SSBP3: variants seen among roughly 807,000 people sequenced by gnomAD.
The protein encoded by SSBP3 is single stranded DNA binding protein 3.
In SSBP3, 5 loss-of-function variants were observed where a neutral mutation model predicts 69.6. The observed-to-expected ratio is 0.07, with a 90% confidence interval of 0.04 to 0.15. SSBP3 has a LOEUF of 0.15. Among genes scored for constraint, SSBP3 ranks in the 10% least tolerant of loss-of-function variants. The pLI is 1.00. For synonymous variants in SSBP3, 196 were observed against 193.4 expected (o/e 1.01, Z -0.11); for missense variants, 312 against 534.0 (o/e 0.58, Z 4.10).
At chr1:54,240,881 C>A (rs767848407) in intron 13 of SSBP3, 24 bp downstream of exon 13, 2 of 1,613,150 alleles carry the variant, frequency 1.2e-6, no homozygotes, top group Admixed American at 3.3e-5. Context: ...CCAGACCCCC[C>A]ACTTTCCCCT....
upstream of SSBP3, among the ~76,000 whole-genome samples, chr1:54,407,694 G>C (rs1409691212): frequency 1.3e-5 from 2 of 150,850 alleles, no homozygotes; most frequent in African/African-American, 2.4e-5. Flanking sequence ...AGCGCTGATT[G>C]GCTGCCTGTT....
At chr1:54,316,845 C>A (rs1475102819) in intron 4 of SSBP3, among the ~76,000 whole-genome samples, 2 of 152,066 alleles carry the variant, frequency 1.3e-5, no homozygotes, top group African/African-American at 4.8e-5. Flanking sequence ...GAGATCAAGG[C>A]ACTCGCAAAT....
chr1:54,370,072 C>T (rs1009326446), intron 4 of SSBP3, among the ~76,000 whole-genome samples: 1 of 152,142 alleles, frequency 6.6e-6, no homozygotes, highest in African/African-American at 2.4e-5. Context: ...TAGCTTGTCC[C>T]AACCCTCCGT....
chr1:54,243,641 G>C (rs545275959), intron 9 of SSBP3, among the ~76,000 whole-genome samples: 1 of 152,166 alleles, frequency 6.6e-6, no homozygotes, highest in African/African-American at 2.4e-5. Flanking sequence ...GCGGGTAAGA[G>C]GGGATGGACT....
intron 14 of SSBP3, among the ~76,000 whole-genome samples, chr1:54,235,115 T>TA (rs1293201504): frequency 1.3e-5 from 2 of 152,178 alleles, no homozygotes; most frequent in Non-Finnish European, 2.9e-5. Flanking sequence ...GTTTTACTTA[T>TA]AAGCACAGGT....
chr1:54,357,439 A>G (rs1646886812), intron 4 of SSBP3, among the ~76,000 whole-genome samples: 1 of 152,154 alleles, frequency 6.6e-6, no homozygotes, highest in Non-Finnish European at 1.5e-5. Flanking sequence ...GGCTGGGGGT[A>G]GGGTGTACCA....
chr1:54,383,649 A>G (rs189664267), intron 4 of SSBP3, among the ~76,000 whole-genome samples: 34 of 152,318 alleles, frequency 2.2e-4, no homozygotes, highest in Admixed American at 1.3e-3. Context: ...CAGGGTGTTC[A>G]ATAATAAAAT....
intron 4 of SSBP3, among the ~76,000 whole-genome samples, chr1:54,319,704 C>T (rs1229626032): frequency 6.6e-6 from 1 of 151,860 alleles, no homozygotes; most frequent in Non-Finnish European, 1.5e-5. Context: ...GGACAATGAC[C>T]ACCTGCAGGA....
intron 4 of SSBP3, among the ~76,000 whole-genome samples, chr1:54,304,961 G>A (rs1007817792): frequency 6.6e-6 from 1 of 152,114 alleles, no homozygotes; most frequent in East Asian, 1.9e-4. Context: ...GCGAGGATGC[G>A]TGGGACCCGG....
At chr1:54,226,942 T>C in exon 18 of SSBP3, 1 of 623,372 alleles carries the variant, frequency 1.6e-6, no homozygotes, top group Non-Finnish European at 3.0e-6. Context: ...ATAAAAAGTT[T>C]GGCCTTTTTA....
chr1:54,233,514 G>C (rs934441935), intron 14 of SSBP3, among the ~76,000 whole-genome samples: 38 of 149,330 alleles, frequency 2.5e-4, no homozygotes, highest in Non-Finnish European at 3.7e-4. Flanking sequence ...CGCCCGGCCA[G>C]CCGCCCCGTC....
chr1:54,371,371 G>A (rs1471021319), intron 4 of SSBP3, among the ~76,000 whole-genome samples: 1 of 152,228 alleles, frequency 6.6e-6, no homozygotes, highest in Non-Finnish European at 1.5e-5. Context: ...ATGTGTGCAT[G>A]AACATGTCAC....
At chr1:54,246,871 A>T (rs1644742923) in intron 9 of SSBP3, among the ~76,000 whole-genome samples, 1 of 152,170 alleles carries the variant, frequency 6.6e-6, no homozygotes, top group Non-Finnish European at 1.5e-5. Flanking sequence ...AGAAGTTCAG[A>T]CTCAGTAGAA....
intron 4 of SSBP3, among the ~76,000 whole-genome samples, chr1:54,339,396 A>T (rs1382332747): frequency 6.6e-6 from 1 of 152,234 alleles, no homozygotes; most frequent in Admixed American, 6.5e-5. Flanking sequence ...CTCTGAAATT[A>T]ATCTGCTTAG....
chr1:54,361,689 ACC>A, intron 4 of SSBP3, among the ~76,000 whole-genome samples: 1 of 152,076 alleles, frequency 6.6e-6, no homozygotes, highest in Non-Finnish European at 1.5e-5. Flanking sequence ...AAGCAAGGCC[ACC>A]ATCAGTGGTA....
At chr1:54,299,938 G>A (rs905310305) in intron 4 of SSBP3, among the ~76,000 whole-genome samples, 1 of 151,946 alleles carries the variant, frequency 6.6e-6, no homozygotes, top group Non-Finnish European at 1.5e-5. Context: ...CTCCTTCCCT[G>A]AACACTGCAT....
At chr1:54,303,337 T>C (rs1645837712) in intron 4 of SSBP3, among the ~76,000 whole-genome samples, 1 of 151,556 alleles carries the variant, frequency 6.6e-6, no homozygotes, top group Non-Finnish European at 1.5e-5. Context: ...TCGCTGCCCT[T>C]GTTCGGGCAG....
chr1:54,325,761 G>A (rs995392642), intron 4 of SSBP3, among the ~76,000 whole-genome samples: 3 of 152,096 alleles, frequency 2.0e-5, no homozygotes, highest in African/African-American at 4.8e-5. Context: ...AATTTGTCTC[G>A]ACTGCCGATG....
At chr1:54,319,262 G>C (rs912654793) in intron 4 of SSBP3, among the ~76,000 whole-genome samples, 12 of 152,148 alleles carry the variant, frequency 7.9e-5, no homozygotes, top group African/African-American at 2.4e-4. Flanking sequence ...TAAATGATGA[G>C]CCAGATAGAC....
Sources: allele counts gnomAD v4.1 joint callset (sites outside exome capture counted in the v4.1 genomes callset), GRCh38; gene constraint gnomAD v4.1.1; transcripts MANE v1.5; gene names NCBI Gene and HGNC (gene_info 2026-07-23, HGNC 2026-07-21).